Variants in CCNY observed in about 807,000 individuals in gnomAD.
CCNY encodes the protein cyclin-Y.
In CCNY, 19 loss-of-function variants were observed where a neutral mutation model predicts 42.8. The observed-to-expected ratio is 0.44, with a 90% CI of 0.31 to 0.65. The LOEUF is 0.65. Among genes scored for constraint, CCNY ranks in the 30% least tolerant of loss-of-function variants. CCNY has a pLI of 0.07. For synonymous variants in CCNY, 165 were observed against 162.7 expected (o/e 1.01, Z -0.11); for missense variants, 370 against 437.3 (o/e 0.85, Z 1.37).
intron 1 of CCNY, among the ~76,000 whole-genome samples, chr10:35,423,747 G>A (rs997101799): frequency 3.3e-5 from 5 of 152,110 alleles, no homozygotes; most frequent in South Asian, 2.1e-4. Flanking sequence ...ACCAGATTAG[G>A]TAAGTGATTA....
chr10:35,506,548 G>A (rs1404894848), intron 3 of CCNY, among the ~76,000 whole-genome samples: 1 of 152,148 alleles, frequency 6.6e-6, no homozygotes, highest in Non-Finnish European at 1.5e-5. Context: ...ACCTCTTTCT[G>A]TTTCTTCTTC....
intron 3 of CCNY, among the ~76,000 whole-genome samples, chr10:35,267,766 C>CTTGA (rs1352146160): frequency 1.3e-5 from 2 of 152,154 alleles, no homozygotes; most frequent in African/African-American, 4.8e-5. Context: ...CATGTTCCTG[C>CTTGA]TTGAGTTGTG....
intron 3 of CCNY, among the ~76,000 whole-genome samples, chr10:35,509,718 C>T (rs1318800969): frequency 6.6e-6 from 1 of 152,206 alleles, no homozygotes; most frequent in South Asian, 2.1e-4. Flanking sequence ...GTGCTTTCCT[C>T]TCTCCCAGCC....
intron 3 of CCNY, among the ~76,000 whole-genome samples, chr10:35,282,720 C>CAAAAAAAAAAAAAAAAAAAAAA (rs71033390): frequency 1.1e-5 from 1 of 88,268 alleles, no homozygotes; most frequent in Non-Finnish European, 2.3e-5. Context: ...GAGACTGTCT[C>CAAAAAAAAAAAAAAAAAAAAAA]AAAAAAAAAA....
At chr10:35,504,954 A>G (rs777578745) in intron 3 of CCNY, among the ~76,000 whole-genome samples, 1 of 152,078 alleles carries the variant, frequency 6.6e-6, no homozygotes. Flanking sequence ...TTTAATGCAT[A>G]TGAAAGATAC....
chr10:35,386,059 C>T lies in CCNY; in HGVS notation c.154+48852C>T, dbSNP rs372582758. On this transcript the variant is annotated intron_variant, in intron 1 of 9. Transcript: ENST00000374704. Reference sequence around the variant, plus strand: ...ATGGGAAACAGAGGGATAGGAATAGCGTGCGCTTTTGGACCTCTGGATATG... The same window carrying T: ...ATGGGAAACAGAGGGATAGGAATAGTGTGCGCTTTTGGACCTCTGGATATG... Among the ~76,000 whole-genome samples, 11 of 152,060 alleles carry T rather than the reference C, an allele frequency of 7.2e-5. 1 individual carries two copies. In the East Asian group the frequency reaches 7.7e-4, roughly 11 times the overall value.
At chr10:35,507,257 A>G (rs965935323) in intron 3 of CCNY, among the ~76,000 whole-genome samples, 3 of 152,188 alleles carry the variant, frequency 2.0e-5, no homozygotes. Context: ...TTGACTTTAT[A>G]TATACATATA....
intron 1 of CCNY, among the ~76,000 whole-genome samples, chr10:35,394,045 G>C (rs998240688): frequency 6.6e-6 from 1 of 152,256 alleles, no homozygotes; most frequent in Non-Finnish European, 1.5e-5. Flanking sequence ...TTCTTTGCCA[G>C]TGTTTGGTTC....
At chr10:35,266,227 G>A (rs913192974) in intron 3 of CCNY, among the ~76,000 whole-genome samples, 10 of 148,028 alleles carry the variant, frequency 6.8e-5, no homozygotes, top group South Asian at 6.5e-4. Context: ...ACAGGCATGC[G>A]CTACCATGCC....
intron 1 of CCNY, among the ~76,000 whole-genome samples, chr10:35,452,770 T>TAAAA (rs35849411): frequency 8.6e-6 from 1 of 115,914 alleles, no homozygotes; most frequent in East Asian, 2.4e-4. Context: ...TATAGAAAAG[T>TAAAA]AAAAAAAAAA....
At chr10:35,313,388 G>A (rs527941321) in intron 3 of CCNY, among the ~76,000 whole-genome samples, 2 of 152,278 alleles carry the variant, frequency 1.3e-5, no homozygotes, top group Middle Eastern at 3.4e-3. Flanking sequence ...GAGCTGTGTC[G>A]CTTGTTAGCT....
chr10:35,363,235 C>T (rs1325408594), intron 1 of CCNY, among the ~76,000 whole-genome samples: 6 of 142,642 alleles, frequency 4.2e-5, no homozygotes, highest in Admixed American at 3.5e-4. Flanking sequence ...GTGGAGTGGC[C>T]GGCAGAGGCG....
intron 1 of CCNY, among the ~76,000 whole-genome samples, chr10:35,443,825 C>T (rs1334918609): frequency 6.6e-6 from 1 of 152,190 alleles, no homozygotes; most frequent in Non-Finnish European, 1.5e-5. Flanking sequence ...CCTTTCTCAG[C>T]ATTCCACAAG....
chr10:35,485,724 C>T (rs546624291), intron 2 of CCNY, among the ~76,000 whole-genome samples: 1 of 97,784 alleles, frequency 1.0e-5, no homozygotes, highest in South Asian at 3.6e-4. Flanking sequence ...GACTCCGTCT[C>T]AAAAAAAAAA....
intron 1 of CCNY, among the ~76,000 whole-genome samples, chr10:35,399,560 A>C (rs561618525): frequency 6.6e-6 from 1 of 152,344 alleles, no homozygotes; most frequent in South Asian, 2.1e-4. Flanking sequence ...GAAAAGGAGC[A>C]GGATGGGTGT....
chr10:35,483,865 A>G (rs1176918241), intron 2 of CCNY, among the ~76,000 whole-genome samples: 1 of 152,240 alleles, frequency 6.6e-6, no homozygotes. Context: ...TAAAAGTACC[A>G]CCAACTAGCT....
At chr10:35,385,959 C>A (rs1837291830) in intron 1 of CCNY, among the ~76,000 whole-genome samples, 1 of 152,080 alleles carries the variant, frequency 6.6e-6, no homozygotes, top group Non-Finnish European at 1.5e-5. Context: ...ACATATCTGT[C>A]CTAATGCGTC....
intron 1 of CCNY, among the ~76,000 whole-genome samples, chr10:35,351,601 T>G (rs143945518): frequency 3.6e-4 from 55 of 152,380 alleles, no homozygotes; most frequent in African/African-American, 1.3e-3. Context: ...TTATACTACT[T>G]ACATAGTGGG....
chr10:35,485,987 T>C (rs1200631203), intron 2 of CCNY, among the ~76,000 whole-genome samples: 2 of 152,208 alleles, frequency 1.3e-5, no homozygotes, highest in African/African-American at 4.8e-5. Context: ...TTATGTCAAC[T>C]GTCGTGTCTA....
Sources: allele counts gnomAD v4.1 joint callset (sites outside exome capture counted in the v4.1 genomes callset), GRCh38; gene constraint gnomAD v4.1.1; transcripts MANE v1.5; gene names NCBI Gene and HGNC (gene_info 2026-07-23, HGNC 2026-07-21).